The following GALNT8 variants were observed in gnomAD, a reference collection of about 807,000 sequenced individuals.
GALNT8 encodes the protein probable polypeptide N-acetylgalactosaminyltransferase 8.
GALNT8 carries 66 observed loss-of-function variants against 62.7 expected under a neutral mutation model. The observed-to-expected ratio is 1.05, with a 90% CI of 0.86 to 1.29. The LOEUF (loss-of-function observed/expected upper bound fraction) is 1.29. Ranked by LOEUF, GALNT8 falls within the 50% of genes most tolerant of loss-of-function variation. The probability of loss-of-function intolerance (pLI) is 0.00; values close to 1 mark genes in which losing one functional copy is unlikely to be tolerated. For synonymous variants in GALNT8, 288 were observed against 294.3 expected, an observed-to-expected ratio of 0.98 and a Z score of 0.22; for missense variants, 771 against 791.8, an observed-to-expected ratio of 0.97 and a Z score of 0.32.
At chr12:4,743,665 A>G (rs1438822105) in intron 3 of GALNT8, among the ~76,000 whole-genome samples, 2 of 152,150 alleles carry the variant, frequency 1.3e-5, no homozygotes, top group Non-Finnish European at 2.9e-5. Context: ...CACTTACTAG[A>G]TATGTGACTT....
intron 1 of GALNT8, among the ~76,000 whole-genome samples, chr12:4,723,368 G>A (rs1229588568): frequency 1.3e-5 from 2 of 152,168 alleles, no homozygotes; most frequent in Admixed American, 1.3e-4. Flanking sequence ...GCTTGGTGCA[G>A]CTTCACCAGG....
chr12:4,721,984 G>A (rs925088128), intron 1 of GALNT8, among the ~76,000 whole-genome samples: 3 of 150,988 alleles, frequency 2.0e-5, no homozygotes, highest in Non-Finnish European at 4.5e-5. Context: ...TCAAGCATCT[G>A]TTTAACAAAG....
rs563170885 is a variant in GALNT8 at position 4,758,128 on chromosome 12, C to A, written c.1174-2830C>A. Among the ~76,000 whole-genome samples, 5 of 152,274 alleles carry A rather than the reference C, an allele frequency of 3.3e-5. No individual in the cohort carries two copies. In the East Asian group the frequency reaches 5.8e-4, roughly 18 times the overall value. ...ATGGACTTTGCTTAAAATATAGGGTCATCCTTTTCCTTTTTTTTTGGATCA... is the reference window on the plus strand; with the variant it reads ...ATGGACTTTGCTTAAAATATAGGGTAATCCTTTTCCTTTTTTTTTGGATCA... On this transcript the variant is annotated intron_variant, in intron 6 of 10. Transcript: ENST00000252318.
At position 4,720,812 on chromosome 12, in the gene GALNT8, T is replaced by G. The variant is rs1480453734; in HGVS notation, c.135T>G (p.Leu45=). ...NLFTGGLHRE[L]PLHLNKRYGA... ...TTACGGGTGGTCTCCACAGGGAGCTTCCTTTACATCTGAATAAACGCTACG... is the reference window on the plus strand; with the variant it reads ...TTACGGGTGGTCTCCACAGGGAGCTGCCTTTACATCTGAATAAACGCTACG... Residue 45 remains leucine, a synonymous_variant, in exon 1 of 11, where the codon CTT becomes CTG. Coordinates refer to ENST00000252318, the MANE Select transcript of GALNT8 (RefSeq NM_017417.2). The G allele has an allele frequency of 6.2e-7, 1 of 1,612,044 alleles. No homozygotes were observed. Among genetic ancestry groups the G allele is most frequent in the Non-Finnish European group, 8.5e-7 (1 of 1,178,102 alleles).
intron 3 of GALNT8, among the ~76,000 whole-genome samples, chr12:4,741,960 A>C (rs937203784): frequency 1.3e-5 from 2 of 152,228 alleles, no homozygotes; most frequent in Admixed American, 6.5e-5. Context: ...TATCTGTTTT[A>C]TGTTAAACAG....
intron 6 of GALNT8, among the ~76,000 whole-genome samples, chr12:4,757,827 A>AT (rs1255329205): frequency 1.1e-4 from 16 of 152,186 alleles, no homozygotes; most frequent in Admixed American, 1.0e-3. Context: ...ATAAATGCAA[A>AT]AATAATAACT....
At chr12:4,721,490 G>C (rs1005162373) in intron 1 of GALNT8, among the ~76,000 whole-genome samples, 1 of 152,144 alleles carries the variant, frequency 6.6e-6, no homozygotes, top group Admixed American at 6.5e-5. Flanking sequence ...AGATAAACAC[G>C]TGAACAAAGG....
At chr12:4,756,268 G>A (rs944215836) in intron 6 of GALNT8, among the ~76,000 whole-genome samples, 2 of 152,116 alleles carry the variant, frequency 1.3e-5, no homozygotes, top group Non-Finnish European at 2.9e-5. Context: ...GCCTAAGGCC[G>A]AACTCTTAAA....
At chr12:4,738,780 G>T (rs997269895) in intron 2 of GALNT8, among the ~76,000 whole-genome samples, 1 of 152,164 alleles carries the variant, frequency 6.6e-6, no homozygotes, top group Non-Finnish European at 1.5e-5. Context: ...TGGTGGTGAA[G>T]TAGAGGGTGT....
chr12:4,739,112 T>A (rs753515444), intron 2 of GALNT8, 51 bp from the exon 3 acceptor site: 1 of 1,111,560 alleles, frequency 9.0e-7, no homozygotes, highest in South Asian at 1.5e-5. Context: ...TGGATAGCAG[T>A]GTTGAAGTAA....
rs1304621961 is a variant in GALNT8, at chr12:4,726,001, G to T, written c.212-531G>T. On this transcript the variant is annotated intron_variant, in intron 1 of 10. Transcript: ENST00000252318. This position sits in a 1 kb window ranked among gnomAD's most constrained non-coding sequence, Gnocchi z 4.1. ...TAGTGGTTAGGTTAGATTTGCCTTT[G>T]TTAGGCACTAATGGTGTAGTAAGTG... Among the ~76,000 whole-genome samples the T allele has an allele frequency of 1.3e-5, 2 of 152,182 alleles. No homozygotes were observed. The highest frequency in any genetic ancestry group is 2.9e-5 in the Non-Finnish European group (2 of 68,034).
In GALNT8 at chr12:4,734,267, G is replaced by A. The variant is rs191285775; in HGVS notation, c.510-4896G>A. 4.2e-3 allele frequency among the ~76,000 whole-genome samples: 642 copies of A among 152,288 alleles called. 1 individual carries two copies. Among genetic ancestry groups the A allele is most frequent in the Middle Eastern group, 0.01 (3 of 294 alleles). On this transcript the variant is annotated intron_variant, in intron 2 of 10. Transcript: ENST00000252318. ...AGAAAGTGACAGCTGTGACTCGAGTGAACACAGGTCTTTCTGGAGACTCTG... is the reference window on the plus strand; with the variant it reads ...AGAAAGTGACAGCTGTGACTCGAGTAAACACAGGTCTTTCTGGAGACTCTG...
chr12:4,754,157 G>C (rs1197989398), intron 6 of GALNT8, among the ~76,000 whole-genome samples: 4 of 152,048 alleles, frequency 2.6e-5, no homozygotes, highest in African/African-American at 7.2e-5. Context: ...ACAGAACTGG[G>C]TCTCACTCAA....
chr12:4,762,640 A>G (rs1349918507), intron 7 of GALNT8, among the ~76,000 whole-genome samples: 1 of 152,264 alleles, frequency 6.6e-6, no homozygotes, highest in East Asian at 1.9e-4. Context: ...AGAATTTGAA[A>G]GAGCAGAATT....
chr12:4,755,500 T>C (rs1253777219), intron 6 of GALNT8, among the ~76,000 whole-genome samples: 1 of 152,242 alleles, frequency 6.6e-6, no homozygotes, highest in Non-Finnish European at 1.5e-5. Context: ...TTCGCTACTG[T>C]CCTTTCTACC....
At chr12:4,755,065 G>A (rs1946338614) in intron 6 of GALNT8, among the ~76,000 whole-genome samples, 1 of 152,190 alleles carries the variant, frequency 6.6e-6, no homozygotes, top group Non-Finnish European at 1.5e-5. Flanking sequence ...TGGGGTTAGG[G>A]ATGGGTCATG....
At chr12:4,737,813 CTT>C (rs1565383898) in intron 2 of GALNT8, among the ~76,000 whole-genome samples, 1 of 152,130 alleles carries the variant, frequency 6.6e-6, no homozygotes, top group African/African-American at 2.4e-5. Context: ...TTCATCCTCT[CTT>C]TGTTCATTCT....
Position 4,758,627 on chromosome 12 carries a change from TGTGTGTGTGTGAGA to T in GALNT8, c.1174-2329_1174-2316del, listed in dbSNP as rs1434325838. On this transcript the variant is annotated intron_variant, in intron 6 of 10. Transcript: ENST00000252318. The stretch of plus-strand genomic sequence containing the variant: ...GTCTCTGTGTGTGTGTGTGTGTGTG[TGTGTGTGTGTGAGA>T]GAGAGAGAGAGAGAGAGAGAGAGAG... Among the ~76,000 whole-genome samples, 134 of 93,542 alleles carry T rather than the reference TGTGTGTGTGTGAGA, an allele frequency of 1.4e-3. 1 individual carries two copies. Among genetic ancestry groups the T allele is most frequent in the Middle Eastern group, 0.011 (2 of 186 alleles). 61.4% of individuals were successfully genotyped at this position (93,542 alleles called of 152,430 possible).
intron 10 of GALNT8, among the ~76,000 whole-genome samples, chr12:4,769,661 A>T (rs1326060293): frequency 2.0e-5 from 3 of 151,944 alleles, no homozygotes; most frequent in African/African-American, 7.2e-5. Flanking sequence ...AAGACCACAT[A>T]TACAATATTA....
Sources: allele counts gnomAD v4.1 joint callset (sites outside exome capture counted in the v4.1 genomes callset), GRCh38; gene constraint gnomAD v4.1.1; non-coding constraint Gnocchi (gnomAD v3.1); transcripts MANE v1.5; gene names NCBI Gene and HGNC (gene_info 2026-07-23, HGNC 2026-07-21).